Variants in SLC9C1 observed in about 807,000 individuals in gnomAD.
SLC9C1 encodes sodium/hydrogen exchanger 10.
In SLC9C1, 97 loss-of-function variants were observed where a neutral mutation model predicts 140.9. The ratio of observed to expected loss-of-function variants is 0.69; its 90% CI spans 0.58 to 0.82. SLC9C1 has a LOEUF of 0.82. Among genes scored for constraint, SLC9C1 ranks in the 40% least tolerant of loss-of-function variants. SLC9C1 has a pLI of 0.00. For missense variants in SLC9C1, 1,340 were observed against 1,389.3 expected (o/e 0.96, Z 0.56); for synonymous variants, 440 against 442.6 (o/e 0.99, Z 0.07).
chr3:112,274,958 A>G lies in SLC9C1; in HGVS notation c.552T>C (p.Ile184=). 1 of 1,580,048 alleles carries G rather than the reference A, an allele frequency of 6.3e-7. No homozygotes were observed. The highest frequency in any genetic ancestry group is 2.3e-5 in the East Asian group (1 of 43,662). ...ESLMTSVISL[I]TFTSIMDFDQ... Reference sequence around the variant, plus strand: ...CAAAATCCATAATACTAGTAAATGTAATTAATGATATAACAGAGGTCATCA... The same window carrying G: ...CAAAATCCATAATACTAGTAAATGTGATTAATGATATAACAGAGGTCATCA... Residue 184 remains isoleucine (I), a synonymous_variant, in exon 6 of 29, where the codon ATT becomes ATC. Coordinates refer to ENST00000305815, the MANE Select transcript of SLC9C1 (RefSeq NM_183061.3).
chr3:112,176,216 A>C (rs1001777401), intron 23 of SLC9C1, among the ~76,000 whole-genome samples: 3 of 152,118 alleles, frequency 2.0e-5, no homozygotes, highest in Admixed American at 6.5e-5. Context: ...GGGACTCCTC[A>C]TTCACTCACT....
intron 1 of SLC9C1, among the ~76,000 whole-genome samples, chr3:112,287,868 C>A (rs1001116804): frequency 4.0e-5 from 6 of 151,740 alleles, no homozygotes; most frequent in Non-Finnish European, 7.4e-5. Context: ...ATGGTGAAAC[C>A]CGGTCTCTAC....
At chr3:112,265,417 A>G (rs2079889700) in intron 8 of SLC9C1, among the ~76,000 whole-genome samples, 1 of 152,052 alleles carries the variant, frequency 6.6e-6, no homozygotes, top group Admixed American at 6.6e-5. Context: ...ATTTACTTCC[A>G]TTGTAATTGG....
At chr3:112,184,823 G>A (rs896391666) in intron 20 of SLC9C1, among the ~76,000 whole-genome samples, 4 of 152,148 alleles carry the variant, frequency 2.6e-5, no homozygotes, top group African/African-American at 4.8e-5. Context: ...AGCCCACAGG[G>A]CATAGACAGG....
intron 9 of SLC9C1, among the ~76,000 whole-genome samples, chr3:112,263,702 G>T (rs1178439371): frequency 6.6e-6 from 1 of 151,832 alleles, no homozygotes; most frequent in Middle Eastern, 3.4e-3. Flanking sequence ...AGTTATGGTG[G>T]TTTTTCTCAC....
intron 23 of SLC9C1, among the ~76,000 whole-genome samples, chr3:112,171,082 C>A (rs1040240027): frequency 6.6e-6 from 1 of 152,070 alleles, no homozygotes; most frequent in Admixed American, 6.6e-5. Context: ...GGCATGGTGG[C>A]ACGTGACTGT....
chr3:112,208,389 A>G lies in SLC9C1; in HGVS notation c.1791-16T>C, dbSNP rs770903799. On this transcript the variant is annotated splice_polypyrimidine_tract_variant and intron_variant, in intron 15 of 28. Coordinates refer to ENST00000305815, the MANE Select transcript of SLC9C1 (RefSeq NM_183061.3). ...AAAGAAGTATCTGTAAAACAAAAAGACAGTTTTATCTGATAAAAGGTTTAC... is the reference window on the plus strand; with the variant it reads ...AAAGAAGTATCTGTAAAACAAAAAGGCAGTTTTATCTGATAAAAGGTTTAC... 4.0e-6 allele frequency: 6 copies of G among 1,489,878 alleles called. No individual in the cohort carries two copies. In the African/African-American group the frequency reaches 8.5e-5, roughly 21 times the overall value. 92.3% of individuals were successfully genotyped at this position (1,489,878 alleles called of 1,614,324 possible).
chr3:112,255,039 A>G (rs1396101352), intron 10 of SLC9C1, among the ~76,000 whole-genome samples: 10 of 152,150 alleles, frequency 6.6e-5, no homozygotes, highest in African/African-American at 2.4e-4. Context: ...ACCTAACTAT[A>G]CTAAATATTA....
intron 10 of SLC9C1, among the ~76,000 whole-genome samples, chr3:112,244,489 G>A (rs2079225542): frequency 6.6e-6 from 1 of 152,154 alleles, no homozygotes; most frequent in Non-Finnish European, 1.5e-5. Context: ...CAGCATATCT[G>A]CATCAAACAA....
intron 13 of SLC9C1, 141 bp from the exon 14 acceptor site, chr3:112,221,366 C>A: frequency 1.3e-6 from 1 of 744,588 alleles, no homozygotes; most frequent in Non-Finnish European, 2.1e-6. Context: ...CTATGGAGTT[C>A]AGATTATAAG....
chr3:112,212,536 G>T (rs1223022598), intron 15 of SLC9C1, among the ~76,000 whole-genome samples: 2 of 152,156 alleles, frequency 1.3e-5, no homozygotes, highest in Non-Finnish European at 2.9e-5. Context: ...TGAAAACCAT[G>T]GCACAAGAAC....
chr3:112,179,501 A>G (rs1224641816), intron 23 of SLC9C1, 30 bp downstream of exon 23: 3 of 1,584,436 alleles, frequency 1.9e-6, no homozygotes, highest in Admixed American at 3.8e-5. Context: ...AACAAAATAC[A>G]ACAAAAGTCA....
Position 112,250,604 on chromosome 3 carries a change from A to G in SLC9C1, c.1198-6528T>C, listed in dbSNP as rs1197787759. On this transcript the variant is annotated intron_variant, in intron 10 of 28. Coordinates refer to ENST00000305815, the MANE Select transcript of SLC9C1 (RefSeq NM_183061.3). ...GTCTATGGTTTTTCACAACTCAAAA[A>G]AGAATGTAGACATATAGATGGCCAA... 7.2e-5 allele frequency among the ~76,000 whole-genome samples: 11 copies of G among 152,248 alleles called. No individual in the cohort carries two copies. In the South Asian group the frequency reaches 2.1e-3, roughly 29 times the overall value.
chr3:112,245,252 T>A (rs1199731522), intron 10 of SLC9C1, among the ~76,000 whole-genome samples: 2 of 152,238 alleles, frequency 1.3e-5, no homozygotes, highest in East Asian at 3.8e-4. Context: ...AACATGCATA[T>A]TAGTACACAT....
At chr3:112,236,379 G>A (rs1231160982) in intron 12 of SLC9C1, among the ~76,000 whole-genome samples, 2 of 151,984 alleles carry the variant, frequency 1.3e-5, no homozygotes, top group African/African-American at 4.8e-5. Context: ...TATTAGTCTT[G>A]CTGGTGGTCT....
chr3:112,221,394 G>T (rs563695741), intron 13 of SLC9C1, among the ~76,000 whole-genome samples, 169 bp from the exon 14 acceptor site: 6 of 152,234 alleles, frequency 3.9e-5, no homozygotes, highest in Middle Eastern at 3.4e-3. Context: ...GATAAGGTAG[G>T]TCTTGGCTTT....
Position 112,286,586 on chromosome 3 carries a change from G to T in SLC9C1, c.88+118C>A, listed in dbSNP as rs1407323277. 5.2e-6 allele frequency: 4 copies of T among 771,104 alleles called. No individual in the cohort carries two copies. The Admixed American group carries it at 1.4e-4, about 27-fold the overall frequency. The allele number at this position is 771,104 out of a possible 1,614,324, so 47.8% of individuals were successfully genotyped here. On this transcript the variant is annotated intron_variant, in intron 2 of 28. Coordinates refer to ENST00000305815, the MANE Select transcript of SLC9C1 (RefSeq NM_183061.3). ...ATTTGATTGAAAATATTGAGCTAAA[G>T]GTATAAGTTTGAGAACAAAATTATA...
chr3:112,247,625 A>G (rs2079326143), intron 10 of SLC9C1, among the ~76,000 whole-genome samples: 1 of 152,192 alleles, frequency 6.6e-6, no homozygotes, highest in Admixed American at 6.6e-5. Flanking sequence ...TAACTACACC[A>G]GGCTAAGTGG....
chr3:112,250,096 T>C (rs1451172311), intron 10 of SLC9C1, among the ~76,000 whole-genome samples: 1 of 145,204 alleles, frequency 6.9e-6, no homozygotes, highest in Non-Finnish European at 1.5e-5. Context: ...CAGTGTGTGA[T>C]GTTCCCCTTC....
Sources: gnomAD v4.1 joint callset for allele counts (sites outside exome capture counted in the v4.1 genomes callset) on GRCh38, gnomAD v4.1.1 for gene constraint, MANE v1.5 for transcripts, NCBI Gene and HGNC (gene_info 2026-07-23, HGNC 2026-07-21) for gene names.